Variants in PRKN observed in about 807,000 individuals in gnomAD.
PRKN encodes the protein E3 ubiquitin-protein ligase parkin.
A neutral mutation model predicts 59.5 loss-of-function variants in PRKN; 56 were observed. The ratio of observed to expected loss-of-function variants is 0.94; its 90% CI spans 0.76 to 1.18. The LOEUF (loss-of-function observed/expected upper bound fraction) is 1.18, where lower values mean the gene tolerates loss of function less well. Among genes scored for constraint, PRKN ranks in the 50% most tolerant of loss-of-function variants. The probability of loss-of-function intolerance (pLI) is 0.00; values close to 1 mark genes in which losing one functional copy is unlikely to be tolerated. For synonymous variants in PRKN, 250 were observed against 222.1 expected (o/e 1.13, Z -1.12); for missense variants, 657 against 596.4 (o/e 1.10, Z -1.06).
intron 7 of PRKN, among the ~76,000 whole-genome samples, chr6:161,722,735 ATTC>A (rs1486650690): frequency 1.3e-5 from 2 of 152,192 alleles, no homozygotes; most frequent in Non-Finnish European, 2.9e-5. Flanking sequence ...ATGGTGTTTT[ATTC>A]TTCTTTTAAT....
chr6:161,543,514 G>A (rs766994939), intron 9 of PRKN, among the ~76,000 whole-genome samples: 132 of 152,266 alleles, frequency 8.7e-4, no homozygotes, highest in Admixed American at 1.2e-3. Context: ...ACCTGCCTCC[G>A]AGCGACACAG....
At chr6:162,669,882 A>G (rs1219395402) in intron 1 of PRKN, among the ~76,000 whole-genome samples, 3 of 152,214 alleles carry the variant, frequency 2.0e-5, no homozygotes, top group African/African-American at 7.2e-5. Flanking sequence ...AAACGTCTCA[A>G]ATATTTTCCA....
rs1416345954 is a variant in PRKN at position 161,442,133 on chromosome 6, T to C, written c.1084-55256A>G. On this transcript the variant is annotated intron_variant, in intron 9 of 11. Coordinates refer to ENST00000366898, the MANE Select transcript of PRKN (RefSeq NM_004562.3). The surrounding 1 kb of genome is among the most constrained non-coding windows in gnomAD (Gnocchi z 4.6). ...AAACATACATGTGCCAAGCTGGCTC[T>C]GAATTATTTAAAATTACAGCAGTCA... Among the ~76,000 whole-genome samples the C allele has an allele frequency of 6.6e-6, 1 of 152,236 alleles. No individual in the cohort carries two copies. Among genetic ancestry groups the C allele is most frequent in the East Asian group, 1.9e-4 (1 of 5,202 alleles).
intron 7 of PRKN, among the ~76,000 whole-genome samples, chr6:161,682,056 C>T (rs1411925331): frequency 2.0e-5 from 3 of 152,180 alleles, no homozygotes; most frequent in East Asian, 1.9e-4. Context: ...AGGGTAAAGA[C>T]GGCAGATACC....
At chr6:162,255,896 T>G (rs150022511) in intron 3 of PRKN, among the ~76,000 whole-genome samples, 1 of 152,188 alleles carries the variant, frequency 6.6e-6, no homozygotes, top group African/African-American at 2.4e-5. Context: ...TGAAGTAAAT[T>G]ATCGGCCATT....
At chr6:162,380,424 T>C (rs925359833) in intron 2 of PRKN, among the ~76,000 whole-genome samples, 3 of 130,694 alleles carry the variant, frequency 2.3e-5, no homozygotes, top group African/African-American at 5.9e-5. Context: ...CACACATATA[T>C]ATATGTGTGT....
intron 1 of PRKN, among the ~76,000 whole-genome samples, chr6:162,511,340 T>C (rs1364266985): frequency 3.9e-5 from 6 of 152,180 alleles, no homozygotes; most frequent in Non-Finnish European, 1.5e-5. Context: ...ATAGACATTC[T>C]AGATGTACAT....
At chr6:162,569,367 T>C (rs1221905675) in intron 1 of PRKN, 23 of 649,372 alleles carry the variant, frequency 3.5e-5, no homozygotes, top group East Asian at 3.4e-4. Context: ...CAACAGGCCA[T>C]GCAGGACATG....
chr6:162,186,272 T>C (rs775673982), intron 4 of PRKN, among the ~76,000 whole-genome samples: 24 of 152,046 alleles, frequency 1.6e-4, no homozygotes, highest in Non-Finnish European at 3.2e-4. Context: ...TATGTGAATT[T>C]ACAAATCTAA....
intron 6 of PRKN, among the ~76,000 whole-genome samples, chr6:161,861,418 C>T (rs1466339155): frequency 6.6e-6 from 1 of 152,008 alleles, no homozygotes; most frequent in Non-Finnish European, 1.5e-5. Flanking sequence ...CACACCAGGG[C>T]CTGTTGGGCA....
At chr6:162,315,431 C>A (rs1472485566) in intron 2 of PRKN, among the ~76,000 whole-genome samples, 1 of 152,160 alleles carries the variant, frequency 6.6e-6, no homozygotes, top group Non-Finnish European at 1.5e-5. Context: ...CAAGCTATGA[C>A]CAACTGCCTC....
At chr6:162,617,938 C>T (rs746492065) in intron 1 of PRKN, among the ~76,000 whole-genome samples, 1 of 152,078 alleles carries the variant, frequency 6.6e-6, no homozygotes, top group Non-Finnish European at 1.5e-5. Flanking sequence ...CCCAGTAACA[C>T]AAGAATAATC....
chr6:162,355,175 T>C (rs928246253), intron 2 of PRKN, among the ~76,000 whole-genome samples: 2 of 151,500 alleles, frequency 1.3e-5, no homozygotes, highest in African/African-American at 2.4e-5. Flanking sequence ...ATATTGATAA[T>C]AGAGAAATTG....
At chr6:162,079,533 A>G (rs906582594) in intron 4 of PRKN, among the ~76,000 whole-genome samples, 1 of 152,098 alleles carries the variant, frequency 6.6e-6, no homozygotes, top group Non-Finnish European at 1.5e-5. Flanking sequence ...TGCCGGAGGA[A>G]TATTTCCAAA....
intron 7 of PRKN, among the ~76,000 whole-genome samples, chr6:161,676,052 G>A (rs1785073430): frequency 6.6e-6 from 1 of 152,180 alleles, no homozygotes; most frequent in Non-Finnish European, 1.5e-5. Context: ...TCCTAAATGG[G>A]TAGTACTCGG....
At position 161,461,959 on chromosome 6, in the gene PRKN, G is replaced by A. The variant is rs1429327725; in HGVS notation, c.1084-75082C>T. Among the ~76,000 whole-genome samples, 2 of 152,060 alleles carry A rather than the reference G, an allele frequency of 1.3e-5. No homozygotes were observed. The highest frequency in any genetic ancestry group is 2.9e-5 in the Non-Finnish European group (2 of 68,014). On this transcript the variant is annotated intron_variant, in intron 9 of 11. Coordinates refer to ENST00000366898, the MANE Select transcript of PRKN (RefSeq NM_004562.3). The surrounding 1 kb of genome is among the most constrained non-coding windows in gnomAD (Gnocchi z 5.1). ...GGATGGTCACCTTGAAAATAACAGC[G>A]GTTAAAGGGCAGGTGGAAGACTAGC... is the stretch of plus-strand genomic sequence containing the variant.
At chr6:162,276,532 T>C (rs1780643856) in intron 2 of PRKN, among the ~76,000 whole-genome samples, 2 of 152,328 alleles carry the variant, frequency 1.3e-5, no homozygotes, top group Admixed American at 6.5e-5. Flanking sequence ...AAATATTTAA[T>C]TCTGTTTTAT....
chr6:162,232,213 C>A (rs921938701), intron 3 of PRKN, among the ~76,000 whole-genome samples: 9 of 152,124 alleles, frequency 5.9e-5, no homozygotes, highest in Admixed American at 5.2e-4. Flanking sequence ...CATCTCCTGA[C>A]TCCTATTTTC....
At chr6:162,272,999 G>GAA (rs548215878) in intron 2 of PRKN, among the ~76,000 whole-genome samples, 4,679 of 54,740 alleles carry the variant, frequency 0.085, 376 homozygotes, top group East Asian at 0.48. Flanking sequence ...GCCTGTGTCT[G>GAA]AAAAAAAAAA....
Sources: gnomAD v4.1 joint callset for allele counts (sites outside exome capture counted in the v4.1 genomes callset) on GRCh38, gnomAD v4.1.1 for gene constraint, Gnocchi (gnomAD v3.1) non-coding constraint, MANE v1.5 for transcripts, NCBI Gene and HGNC (gene_info 2026-07-23, HGNC 2026-07-21) for gene names.